The following LOC128092252 variants were observed in gnomAD, a reference collection of about 807,000 sequenced individuals.
chr15:50,655,037 T>TGGA, the LOC128092252 span, among the ~76,000 whole-genome samples: 2 of 132,882 alleles, frequency 1.5e-5, no homozygotes, highest in Non-Finnish European at 3.2e-5. Flanking sequence ...ATTCACTGGA[T>TGGA]GGACAAAACA....
the LOC128092252 span, among the ~76,000 whole-genome samples, chr15:50,666,726 T>A: frequency 6.6e-6 from 1 of 151,650 alleles, no homozygotes; most frequent in South Asian, 2.1e-4. Context: ...TGCTTGAACC[T>A]GGGAAGCAGA....
chr15:50,649,567 C>G, the LOC128092252 span, among the ~76,000 whole-genome samples: 1 of 152,044 alleles, frequency 6.6e-6, no homozygotes, highest in Admixed American at 6.5e-5. Context: ...AACCTAGACA[C>G]CAATGATTAT....
the LOC128092252 span, among the ~76,000 whole-genome samples, chr15:50,661,978 G>A: frequency 2.6e-5 from 4 of 152,176 alleles, no homozygotes; most frequent in African/African-American, 9.7e-5. Context: ...AGCACTCTGA[G>A]AGGCCAAGGC....
the LOC128092252 span, chr15:50,657,740 T>C: frequency 6.3e-7 from 1 of 1,581,350 alleles, no homozygotes; most frequent in Non-Finnish European, 8.6e-7. Context: ...TAGTTTTATT[T>C]ATTTTCCGAA....
the LOC128092252 span, among the ~76,000 whole-genome samples, chr15:50,674,359 TG>T: frequency 0.019 from 2,953 of 152,264 alleles, 52 homozygotes; most frequent in Non-Finnish European, 0.025. Context: ...CTTGAACTCC[TG>T]ATCTCAGGTG....
the LOC128092252 span, among the ~76,000 whole-genome samples, chr15:50,681,796 C>T: frequency 1.3e-5 from 2 of 152,144 alleles, no homozygotes; most frequent in Non-Finnish European, 2.9e-5. Flanking sequence ...GAGGGGTAAA[C>T]AGTGTTTCAC....
At chr15:50,656,629 T>C in the LOC128092252 span, among the ~76,000 whole-genome samples, 1 of 151,418 alleles carries the variant, frequency 6.6e-6, no homozygotes, top group Non-Finnish European at 1.5e-5. Context: ...AACCATCACA[T>C]CCAGCCTGTC....
At chr15:50,671,427 T>C in the LOC128092252 span, among the ~76,000 whole-genome samples, 1 of 152,220 alleles carries the variant, frequency 6.6e-6, no homozygotes. Context: ...GTGCATACTG[T>C]CATGTGCCAC....
At chr15:50,680,149 A>G in the LOC128092252 span, among the ~76,000 whole-genome samples, 4,583 of 152,068 alleles carry the variant, frequency 0.03, 244 homozygotes, top group African/African-American at 0.11. Flanking sequence ...GAGGAGAATC[A>G]CTTGAACCCG....
At chr15:50,664,115 T>C in the LOC128092252 span, among the ~76,000 whole-genome samples, 2 of 152,026 alleles carry the variant, frequency 1.3e-5, no homozygotes, top group African/African-American at 2.4e-5. Flanking sequence ...CTGGCCAACA[T>C]GGTAAAACCC....
At chr15:50,678,707 G>A in the LOC128092252 span, among the ~76,000 whole-genome samples, 20 of 152,016 alleles carry the variant, frequency 1.3e-4, no homozygotes, top group African/African-American at 4.8e-4. Flanking sequence ...CTATAATTCT[G>A]TAACAATTGG....
the LOC128092252 span, among the ~76,000 whole-genome samples, chr15:50,676,835 G>C: frequency 5.3e-5 from 8 of 152,204 alleles, no homozygotes; most frequent in South Asian, 1.4e-3. Flanking sequence ...GAAAGTTTCC[G>C]CAAGAGTTGA....
At chr15:50,665,667 A>G in the LOC128092252 span, among the ~76,000 whole-genome samples, 1 of 152,200 alleles carries the variant, frequency 6.6e-6, no homozygotes, top group Non-Finnish European at 1.5e-5. Flanking sequence ...GTGCATGTAT[A>G]GGAAAATGTA....
the LOC128092252 span, among the ~76,000 whole-genome samples, chr15:50,673,197 GAAC>G: frequency 6.6e-6 from 1 of 152,068 alleles, no homozygotes; most frequent in East Asian, 1.9e-4. Context: ...GACTCGCCCA[GAAC>G]AACTTCCAGG....
chr15:50,680,865 G>C, the LOC128092252 span, among the ~76,000 whole-genome samples: 619 of 152,276 alleles, frequency 4.1e-3, 5 homozygotes, highest in African/African-American at 0.014. Context: ...TATTAGCCTT[G>C]TGACCGTTGG....
chr15:50,678,682 A>G, the LOC128092252 span, among the ~76,000 whole-genome samples: 1 of 152,016 alleles, frequency 6.6e-6, no homozygotes, highest in African/African-American at 2.4e-5. Flanking sequence ...TTTTAAAGAT[A>G]TTATTGAAAA....
At chr15:50,680,058 ACCC>A in the LOC128092252 span, among the ~76,000 whole-genome samples, 1 of 151,694 alleles carries the variant, frequency 6.6e-6, no homozygotes, top group African/African-American at 2.4e-5. Flanking sequence ...ACATGGTGAA[ACCC>A]TGTCTCTGCT....
chr15:50,671,266 A>C, the LOC128092252 span, among the ~76,000 whole-genome samples: 1 of 152,046 alleles, frequency 6.6e-6, no homozygotes, highest in Non-Finnish European at 1.5e-5. Context: ...AACTTTTATC[A>C]GTTCAATTTT....
At chr15:50,667,428 G>A in the LOC128092252 span, among the ~76,000 whole-genome samples, 4 of 152,146 alleles carry the variant, frequency 2.6e-5, no homozygotes, top group Admixed American at 6.6e-5. Flanking sequence ...GCTGCTGGCC[G>A]GGCACAGTGG....
Sources: gnomAD v4.1 joint callset for allele counts (sites outside exome capture counted in the v4.1 genomes callset) on GRCh38, gnomAD v4.1.1 for gene constraint, MANE v1.5 for transcripts.